PRAG1: variants seen among roughly 807,000 people sequenced by gnomAD.
PRAG1 encodes inactive tyrosine-protein kinase PRAG1.
In PRAG1, 110 loss-of-function variants were observed where a neutral mutation model predicts 95.6. That is an observed-to-expected ratio of 1.15 (90% confidence interval 0.99 to 1.35). The LOEUF is 1.35. PRAG1 is among the 40% of genes most tolerant of loss of function. The probability of loss-of-function intolerance (pLI) is 0.00; values close to 1 mark genes in which losing one functional copy is unlikely to be tolerated. For synonymous variants in PRAG1, 1,052 were observed against 819.4 expected, an observed-to-expected ratio of 1.28 and a Z score of -4.85; for missense variants, 2,554 against 1,864.7, an observed-to-expected ratio of 1.37 and a Z score of -6.81.
chr8:8,386,216 G>A (rs1800845542), intron 1 of PRAG1, 105 bp downstream of exon 1: 1 of 139,942 alleles, frequency 7.1e-6, no homozygotes, highest in Non-Finnish European at 1.6e-5. Context: ...TGTCACCCCG[G>A]GGGTAGCCCG....
chr8:8,372,021 A>G (rs1800224665), intron 3 of PRAG1, among the ~76,000 whole-genome samples: 1 of 152,200 alleles, frequency 6.6e-6, no homozygotes, highest in Non-Finnish European at 1.5e-5. Flanking sequence ...ACCTGGGCTC[A>G]GGCCTCTTCT....
Position 8,376,341 on chromosome 8 carries a change from C to T in PRAG1, c.2068G>A (p.Gly690Arg), listed in dbSNP as rs777755746. 1.4e-5 allele frequency: 22 copies of T among 1,614,076 alleles called. No individual in the cohort carries two copies. Among genetic ancestry groups the T allele is most frequent in the Middle Eastern group, 1.6e-4 (1 of 6,084 alleles). The change falls in exon 3 of 6, where the codon GGG becomes AGG. Residue 690 changes from glycine (G) to arginine (R), a missense_variant. Coordinates refer to ENST00000615670, the MANE Select transcript of PRAG1 (RefSeq NM_001080826.3). ...SSGQNSKVGT[G>R]MSKSASFAFE... is the part of the protein sequence containing the mutation. ...GCAAAAGAGGCGGATTTGCTCATCC[C>T]GGTCCCAACTTTGCTGTTCTGCCCA... is the stretch of plus-strand genomic sequence containing the variant.
intron 5 of PRAG1, among the ~76,000 whole-genome samples, chr8:8,326,948 G>C (rs1798652261): frequency 6.6e-6 from 1 of 152,176 alleles, no homozygotes; most frequent in African/African-American, 2.4e-5. Flanking sequence ...TACTATTATT[G>C]TTCAAGATGA....
intron 3 of PRAG1, among the ~76,000 whole-genome samples, chr8:8,353,858 G>A (rs1342991720): frequency 2.6e-5 from 4 of 151,908 alleles, no homozygotes; most frequent in Non-Finnish European, 4.4e-5. Flanking sequence ...AGAAGTAGTA[G>A]TAGTAGTAGT....
At position 8,318,343 on chromosome 8, in the gene PRAG1, C is replaced by G. The variant is rs746199225; in HGVS notation, c.4032G>C (p.Glu1344Asp). 1.2e-6 allele frequency: 2 copies of G among 1,614,064 alleles called. No individual in the cohort carries two copies. The highest frequency in any genetic ancestry group is 1.7e-5 in the Admixed American group (1 of 60,030). Reference sequence around the variant, plus strand: ...TGTGCAGCGTGCCGCACAGCGCCTCCTCCGAGGTGCCCGGCTGCTGCACCA... The same window carrying G: ...TGTGCAGCGTGCCGCACAGCGCCTCGTCCGAGGTGCCCGGCTGCTGCACCA... ...RELVQQPGTS[E>D]EALCGTLHNW... The change falls in exon 6 of 6, where the codon GAG (glutamate) becomes GAC (aspartate). Residue 1344 changes from glutamate (E) to aspartate (D), a missense_variant. Glu to Asp is a conservative substitution (Grantham distance 45). Coordinates refer to ENST00000615670, the MANE Select transcript of PRAG1 (RefSeq NM_001080826.3). The surrounding 1 kb of genome is among the most constrained non-coding windows in gnomAD (Gnocchi z 4.2).
chr8:8,322,180 G>C (rs1030562748), intron 5 of PRAG1, among the ~76,000 whole-genome samples: 1 of 151,954 alleles, frequency 6.6e-6, no homozygotes, highest in Admixed American at 6.6e-5. Context: ...GTTTTGTTTT[G>C]TTTTGTTTTG....
rs371674422 is a variant in PRAG1 at position 8,376,546 on chromosome 8, C to T, written c.1863G>A (p.Ser621=). Residue 621 remains serine (S), a synonymous_variant, in exon 3 of 6, where the codon TCG becomes TCA. Transcript: ENST00000615670. Reference sequence around the variant, plus strand: ...CCTGGAACCTGGGCCGCCTCTGTTCCGAGGCTGACGAGGCGGCAGGCTGGG... The same window carrying T: ...CCTGGAACCTGGGCCGCCTCTGTTCTGAGGCTGACGAGGCGGCAGGCTGGG... ...RCPQPAASSA[S]EQRRPRFQAG... 31 of 1,608,996 alleles carry T rather than the reference C, an allele frequency of 1.9e-5. No homozygotes were observed. The highest frequency in any genetic ancestry group is 1.5e-4 in the African/African-American group (11 of 74,840).
chr8:8,377,325 CGAGGTGGGGGACGAAGGG>C lies in PRAG1; in HGVS notation c.1066_1083del (p.Pro356_Leu361del). On this transcript the variant is annotated inframe_deletion, in exon 3 of 6. Coordinates refer to ENST00000615670, the MANE Select transcript of PRAG1 (RefSeq NM_001080826.3). The stretch of plus-strand genomic sequence containing the variant: ...TTCATGAGGGAGCAGTAATCACTCT[CGAGGTGGGGGACGAAGGG>C]GCTACTGGCGCCGCTGCCGCTGCCG... 1 of 1,610,074 alleles carries C rather than the reference CGAGGTGGGGGACGAAGGG, an allele frequency of 6.2e-7. No individual in the cohort carries two copies. Among genetic ancestry groups the C allele is most frequent in the South Asian group, 1.1e-5 (1 of 90,670 alleles).
chr8:8,326,110 TA>T (rs1013354235), intron 5 of PRAG1, among the ~76,000 whole-genome samples: 1 of 147,918 alleles, frequency 6.8e-6, no homozygotes, highest in Non-Finnish European at 1.5e-5. Context: ...ATATTATTTA[TA>T]ATAATACTAT....
intron 3 of PRAG1, among the ~76,000 whole-genome samples, chr8:8,371,148 AAAAG>A (rs1319362982): frequency 6.8e-6 from 1 of 147,732 alleles, no homozygotes; most frequent in African/African-American, 2.5e-5. Context: ...AAAAAAAAAA[AAAAG>A]AGTGAGCAAA....
intron 3 of PRAG1, among the ~76,000 whole-genome samples, chr8:8,362,327 A>C (rs1376798032): frequency 6.6e-6 from 1 of 152,100 alleles, no homozygotes; most frequent in Non-Finnish European, 1.5e-5. Context: ...CCATTCACAC[A>C]CACTTTCAAC....
At chr8:8,336,663 C>T (rs956414526) in intron 4 of PRAG1, among the ~76,000 whole-genome samples, 1 of 152,116 alleles carries the variant, frequency 6.6e-6, no homozygotes, top group Non-Finnish European at 1.5e-5. Flanking sequence ...TAAGAGATTT[C>T]GATTAGGTTT....
intron 3 of PRAG1, among the ~76,000 whole-genome samples, chr8:8,362,707 G>A (rs1043295325): frequency 1.3e-5 from 2 of 152,200 alleles, no homozygotes; most frequent in African/African-American, 2.4e-5. Context: ...AAAGGGTACT[G>A]CCCATCAGCA....
chr8:8,370,024 A>C (rs1156838901), intron 3 of PRAG1, among the ~76,000 whole-genome samples: 1 of 152,258 alleles, frequency 6.6e-6, no homozygotes, highest in African/African-American at 2.4e-5. Context: ...CCCACTCAAA[A>C]GTAGACAATT....
chr8:8,376,434 T>C lies in PRAG1; in HGVS notation c.1975A>G (p.Lys659Glu), dbSNP rs1206328980. The C allele has an allele frequency of 5.6e-6, 9 of 1,614,084 alleles. No individual in the cohort carries two copies. Among genetic ancestry groups the C allele is most frequent in the African/African-American group, 1.3e-5 (1 of 74,934 alleles). Residue 659 changes from lysine (K) to glutamate (E), a missense_variant, in exon 3 of 6, where the codon AAA becomes GAA. Coordinates refer to ENST00000615670, the MANE Select transcript of PRAG1 (RefSeq NM_001080826.3). ...LLSHSWGRET[K>E]NGPTDHSNST... ...TTTGAATGGTCCGTGGGGCCATTTT[T>C]GGTCTCTCTTCCCCAGCTGTGACTC...
intron 4 of PRAG1, among the ~76,000 whole-genome samples, chr8:8,338,291 C>A (rs1799054738): frequency 6.6e-6 from 1 of 152,176 alleles, no homozygotes; most frequent in Non-Finnish European, 1.5e-5. Context: ...TTCTGGGAAA[C>A]AAAGTGGTGA....
At chr8:8,344,691 A>G (rs2116849443) in intron 3 of PRAG1, among the ~76,000 whole-genome samples, 1 of 152,358 alleles carries the variant, frequency 6.6e-6, no homozygotes, top group East Asian at 1.9e-4. Context: ...TACACTAAAA[A>G]TGAAAATTTC....
chr8:8,349,204 G>A (rs184615569), intron 3 of PRAG1, among the ~76,000 whole-genome samples: 79 of 152,248 alleles, frequency 5.2e-4, no homozygotes, highest in Middle Eastern at 3.4e-3. Context: ...TTTTTATCCA[G>A]AAGATAGGAG....
chr8:8,345,315 G>C (rs2116851550), intron 3 of PRAG1, among the ~76,000 whole-genome samples: 1 of 147,904 alleles, frequency 6.8e-6, no homozygotes, highest in Middle Eastern at 3.5e-3. Flanking sequence ...AGGATCACTT[G>C]AGCCTGGAAG....
Sources: allele counts gnomAD v4.1 joint callset (sites outside exome capture counted in the v4.1 genomes callset), GRCh38; gene constraint gnomAD v4.1.1; non-coding constraint Gnocchi (gnomAD v3.1); transcripts MANE v1.5; gene names NCBI Gene and HGNC (gene_info 2026-07-23, HGNC 2026-07-21).